Variants in TGFA observed in about 807,000 individuals in gnomAD.
The protein encoded by TGFA is transforming growth factor alpha.
In TGFA, 12 loss-of-function variants were observed where a neutral mutation model predicts 21.7. That is an observed-to-expected ratio of 0.55 (90% CI 0.35 to 0.90). The LOEUF (loss-of-function observed/expected upper bound fraction) is 0.90. TGFA is among the 40% of genes least tolerant of loss of function. The pLI, the probability that TGFA is intolerant of heterozygous loss-of-function variation, is 0.01. For synonymous variants in TGFA, 79 were observed against 88.1 expected (o/e 0.90, Z 0.58); for missense variants, 178 against 210.8 (o/e 0.84, Z 0.96).
intron 3 of TGFA, among the ~76,000 whole-genome samples, chr2:70,458,352 C>T (rs1469303142): frequency 6.6e-6 from 1 of 152,158 alleles, no homozygotes; most frequent in Non-Finnish European, 1.5e-5. Flanking sequence ...CCAGATGGCT[C>T]TCCAACCTTC....
chr2:70,512,800 G>C (rs1553501121), intron 2 of TGFA, among the ~76,000 whole-genome samples: 2 of 152,186 alleles, frequency 1.3e-5, no homozygotes, highest in East Asian at 3.9e-4. Flanking sequence ...TTGGAGGAGG[G>C]GGTCAAATAA....
chr2:70,484,366 A>G (rs575095482), intron 2 of TGFA, among the ~76,000 whole-genome samples: 1 of 152,340 alleles, frequency 6.6e-6, no homozygotes, highest in Non-Finnish European at 1.5e-5. Flanking sequence ...TCCAGACAAT[A>G]TTAATTTCTT....
intron 2 of TGFA, among the ~76,000 whole-genome samples, chr2:70,495,902 T>C (rs924053586): frequency 3.3e-5 from 5 of 152,222 alleles, no homozygotes; most frequent in Non-Finnish European, 4.4e-5. Flanking sequence ...AACTACTGAC[T>C]GTTTTCTTAC....
chr2:70,550,299 C>T (rs1414118445), intron 1 of TGFA, among the ~76,000 whole-genome samples: 20 of 151,974 alleles, frequency 1.3e-4, no homozygotes, highest in African/African-American at 4.6e-4. Flanking sequence ...TAAATAGCTT[C>T]CATATTTACC....
At chr2:70,539,550 G>A (rs1426612684) in intron 1 of TGFA, among the ~76,000 whole-genome samples, 1 of 152,146 alleles carries the variant, frequency 6.6e-6, no homozygotes, top group African/African-American at 2.4e-5. Context: ...CGCCTCCTAG[G>A]TTCAAGCGAT....
chr2:70,501,579 A>G (rs1212926431), intron 2 of TGFA, among the ~76,000 whole-genome samples: 1 of 152,180 alleles, frequency 6.6e-6, no homozygotes, highest in Non-Finnish European at 1.5e-5. Context: ...CTGTTACTCC[A>G]GGGTACCGAA....
chr2:70,504,463 T>TATATATATATAC (rs1224115401), intron 2 of TGFA, among the ~76,000 whole-genome samples: 154 of 48,692 alleles, frequency 3.2e-3, no homozygotes, highest in African/African-American at 5.6e-3. Flanking sequence ...TATATATATA[T>TATATATATATAC]ACACACATAC....
intron 1 of TGFA, among the ~76,000 whole-genome samples, chr2:70,541,474 T>C (rs1486835475): frequency 6.6e-6 from 1 of 152,208 alleles, no homozygotes; most frequent in Admixed American, 6.5e-5. Flanking sequence ...ATGTCTCTGG[T>C]GAGTCAATCT....
intron 1 of TGFA, among the ~76,000 whole-genome samples, chr2:70,548,229 C>T (rs928930141): frequency 1.3e-5 from 2 of 152,120 alleles, no homozygotes; most frequent in Non-Finnish European, 2.9e-5. Context: ...ACTGGGTCCC[C>T]ACGAGGTCAT....
intron 2 of TGFA, among the ~76,000 whole-genome samples, chr2:70,466,463 G>C (rs1670566026): frequency 6.6e-6 from 1 of 152,096 alleles, no homozygotes; most frequent in Non-Finnish European, 1.5e-5. Context: ...AGCCGAGATT[G>C]TGCCACTGCA....
intron 1 of TGFA, among the ~76,000 whole-genome samples, chr2:70,535,280 T>C (rs1559140456): frequency 6.6e-6 from 1 of 152,162 alleles, no homozygotes; most frequent in Admixed American, 6.5e-5. Context: ...CCTGCCATGA[T>C]CTATAAAAAA....
chr2:70,516,827 G>A (rs1672295400), intron 1 of TGFA, among the ~76,000 whole-genome samples: 1 of 152,156 alleles, frequency 6.6e-6, no homozygotes, highest in South Asian at 2.1e-4. Context: ...CACCGGGGAT[G>A]CTTTGCATAC....
chr2:70,553,096 G>A (rs1440870301), intron 1 of TGFA: 30 of 1,394,266 alleles, frequency 2.2e-5, no homozygotes, highest in Non-Finnish European at 2.8e-5. Flanking sequence ...CTAGGGTTTC[G>A]CTCCTGCCCT....
chr2:70,512,737 G>A (rs373751582), intron 2 of TGFA, among the ~76,000 whole-genome samples: 1 of 152,356 alleles, frequency 6.6e-6, no homozygotes, highest in East Asian at 1.9e-4. Flanking sequence ...TGGGGAACAG[G>A]CTCCAGGGCG....
intron 2 of TGFA, among the ~76,000 whole-genome samples, chr2:70,492,189 G>A (rs567413127): frequency 2.6e-3 from 398 of 152,306 alleles, no homozygotes; most frequent in Non-Finnish European, 4.4e-3. Flanking sequence ...CAGGGCTTGG[G>A]AAGGGAAGAA....
Position 70,456,472 on chromosome 2 carries a change from C to T in TGFA, c.232G>A (p.Val78Ile), listed in dbSNP as rs148679837. 5.7e-5 allele frequency: 92 copies of T among 1,608,068 alleles called. No individual in the cohort carries two copies. Among genetic ancestry groups the T allele is most frequent in the African/African-American group, 3.2e-4 (24 of 74,914 alleles). ...KPACVCHSGYVGARCEHADLL... is the reference protein window; with the variant it reads ...KPACVCHSGYIGARCEHADLL... ...TCCGCATGCTCACAGCGTGCACCAA[C>T]GTACCCAGAATGGCAGCTGGGGAAG... Residue 78 changes from valine to isoleucine, a missense_variant, in exon 4 of 6, where the codon GTT becomes ATT. Transcript: ENST00000295400.
chr2:70,461,090 G>A (rs368177632), intron 3 of TGFA, among the ~76,000 whole-genome samples: 1 of 152,114 alleles, frequency 6.6e-6, no homozygotes, highest in African/African-American at 2.4e-5. Flanking sequence ...TGAAGTATTA[G>A]TATCCTCATT....
At chr2:70,530,602 T>C (rs1553503612) in intron 1 of TGFA, among the ~76,000 whole-genome samples, 2 of 152,210 alleles carry the variant, frequency 1.3e-5, no homozygotes, top group Non-Finnish European at 2.9e-5. Flanking sequence ...GGCCACAGGT[T>C]GGACAACCTT....
At chr2:70,537,756 A>G (rs1156277559) in intron 1 of TGFA, among the ~76,000 whole-genome samples, 2 of 152,256 alleles carry the variant, frequency 1.3e-5, no homozygotes, top group African/African-American at 2.4e-5. Flanking sequence ...TGCCCTCTCC[A>G]TAACATGACA....
Sources: allele counts gnomAD v4.1 joint callset (sites outside exome capture counted in the v4.1 genomes callset), GRCh38; gene constraint gnomAD v4.1.1; transcripts MANE v1.5; gene names NCBI Gene and HGNC (gene_info 2026-07-23, HGNC 2026-07-21).